Variants in NPSR1 observed in about 807,000 individuals in gnomAD.
NPSR1 encodes neuropeptide S receptor.
NPSR1 carries 48 observed loss-of-function variants against 46.9 expected under a neutral mutation model. The observed-to-expected ratio is 1.02, with a 90% CI of 0.81 to 1.30. The LOEUF is 1.30. NPSR1 is among the 50% of genes most tolerant of loss of function. The pLI is 0.00. For synonymous variants in NPSR1, 176 were observed against 168.1 expected, an observed-to-expected ratio of 1.05 and a Z score of -0.36; for missense variants, 450 against 449.5, an observed-to-expected ratio of 1.00 and a Z score of -0.01.
chr7:34,721,072 A>G, intron 2 of NPSR1, among the ~76,000 whole-genome samples: 1 of 152,218 alleles, frequency 6.6e-6, no homozygotes, highest in East Asian at 1.9e-4. Flanking sequence ...AGTTGTAGGA[A>G]GACATAAATA....
intron 2 of NPSR1, among the ~76,000 whole-genome samples, chr7:34,725,315 C>T (rs945911312): frequency 1.3e-5 from 2 of 152,032 alleles, no homozygotes; most frequent in Non-Finnish European, 2.9e-5. Context: ...GTCTGAATAC[C>T]CATAATAACA....
chr7:34,691,554 G>C (rs931657812), intron 2 of NPSR1, among the ~76,000 whole-genome samples: 1 of 151,946 alleles, frequency 6.6e-6, no homozygotes, highest in Non-Finnish European at 1.5e-5. Context: ...AAGCAAGCAG[G>C]AGTAGCCATT....
At chr7:34,720,211 T>G (rs1001710727) in intron 2 of NPSR1, among the ~76,000 whole-genome samples, 1 of 143,616 alleles carries the variant, frequency 7.0e-6, no homozygotes, top group African/African-American at 2.6e-5. Context: ...ACCCGGGAGG[T>G]GGATGTTGCA....
At chr7:34,703,695 C>T (rs1276060624) in intron 2 of NPSR1, among the ~76,000 whole-genome samples, 1 of 152,078 alleles carries the variant, frequency 6.6e-6, no homozygotes, top group Middle Eastern at 3.2e-3. Context: ...GAAAATAGAT[C>T]TTGAAGCCAC....
At position 34,791,120 on chromosome 7, in the gene NPSR1, A is replaced by ATATGTT. The variant is rs1562730999; in HGVS notation, c.384+12555_384+12556insTATGTT. ...TTATATATAATATGTTATATAATAT[A>ATATGTT]ATATATATGTTATATATTATATATA... On this transcript the variant is annotated intron_variant, in intron 3 of 8. Transcript: ENST00000360581. Among the ~76,000 whole-genome samples, 9 of 102,798 alleles carry ATATGTT rather than the reference A, an allele frequency of 8.8e-5. 1 individual carries two copies. The highest frequency in any genetic ancestry group is 1.3e-4 in the Non-Finnish European group (7 of 53,284). The allele number at this position is 102,798 out of a possible 152,430, so 67.4% of individuals were successfully genotyped here. A position where few individuals can be genotyped will look rare whatever the true frequency, so the allele number is the denominator to read the frequency against.
rs79130858 is a variant in NPSR1 at position 34,794,422 on chromosome 7, T to G, written c.384+15857T>G. 3.3e-4 allele frequency among the ~76,000 whole-genome samples: 51 copies of G among 152,278 alleles called. No homozygotes were observed. The East Asian group carries it at 9.6e-3, about 29-fold the overall frequency. On this transcript the variant is annotated intron_variant, in intron 3 of 8. Coordinates refer to ENST00000360581, the MANE Select transcript of NPSR1 (RefSeq NM_207172.2). ...AAGGAATATTATGAACAATCTTATCTCACAGATTTTATAACCTAGTTAAGA... is the reference window on the plus strand; with the variant it reads ...AAGGAATATTATGAACAATCTTATCGCACAGATTTTATAACCTAGTTAAGA...
chr7:34,676,175 C>T (rs1792307877), intron 1 of NPSR1, among the ~76,000 whole-genome samples: 1 of 152,100 alleles, frequency 6.6e-6, no homozygotes, highest in Non-Finnish European at 1.5e-5. Context: ...GTCCACAAAC[C>T]TAAGGGAGGA....
intron 1 of NPSR1, chr7:34,659,986 G>A: frequency 2.4e-6 from 1 of 416,066 alleles, no homozygotes; most frequent in Non-Finnish European, 4.8e-6. Context: ...TGGTTATTCT[G>A]AGACTCTGGC....
intron 2 of NPSR1, among the ~76,000 whole-genome samples, chr7:34,691,094 T>A (rs1201514338): frequency 1.3e-5 from 2 of 152,158 alleles, no homozygotes; most frequent in Non-Finnish European, 2.9e-5. Context: ...AAAGAACAAA[T>A]GTGCCAGCCA....
chr7:34,716,786 C>A (rs1783596407), intron 2 of NPSR1, among the ~76,000 whole-genome samples: 1 of 152,108 alleles, frequency 6.6e-6, no homozygotes, highest in African/African-American at 2.4e-5. Flanking sequence ...TGTGCAATTC[C>A]TGCCACTTTG....
intron 2 of NPSR1, among the ~76,000 whole-genome samples, chr7:34,711,799 A>T (rs1286326595): frequency 6.6e-6 from 1 of 152,162 alleles, no homozygotes; most frequent in African/African-American, 2.4e-5. Flanking sequence ...TTCCTAGGGG[A>T]GTGTTCCTCC....
At chr7:34,791,522 C>T (rs1562731884) in intron 3 of NPSR1, among the ~76,000 whole-genome samples, 1 of 150,616 alleles carries the variant, frequency 6.6e-6, no homozygotes, top group African/African-American at 2.4e-5. Flanking sequence ...TAGACTTATA[C>T]AAAAAAACTA....
chr7:34,843,644 C>G (rs1790646473), intron 6 of NPSR1, among the ~76,000 whole-genome samples: 1 of 152,236 alleles, frequency 6.6e-6, no homozygotes, highest in South Asian at 2.1e-4. Flanking sequence ...CAGCCCTTAT[C>G]TCTTAGCAGA....
In NPSR1 at chr7:34,786,071, C is replaced by A. The variant is rs141473494; in HGVS notation, c.384+7506C>A. On this transcript the variant is annotated intron_variant, in intron 3 of 8. Coordinates refer to ENST00000360581, the MANE Select transcript of NPSR1 (RefSeq NM_207172.2). ...TGTTGCATCAATTGACTTTTCCTTA[C>A]ATATAAAAAATTATCTGTAGTATGC... Among the ~76,000 whole-genome samples the A allele has an allele frequency of 3.5e-3, 535 of 152,204 alleles. 2 individuals carry two copies. Among genetic ancestry groups the A allele is most frequent in the African/African-American group, 0.012 (497 of 41,536 alleles).
At chr7:34,791,239 ATATGT>A (rs957462724) in intron 3 of NPSR1, among the ~76,000 whole-genome samples, 3 of 133,692 alleles carry the variant, frequency 2.2e-5, no homozygotes, top group African/African-American at 8.6e-5. Context: ...ATTATATTAT[ATATGT>A]TATATGTTAT....
chr7:34,748,476 G>C (rs1326406441), intron 2 of NPSR1, among the ~76,000 whole-genome samples: 2 of 152,138 alleles, frequency 1.3e-5, no homozygotes, highest in African/African-American at 4.8e-5. Context: ...GACTAGGGGT[G>C]GTGGCAGCTG....
intron 2 of NPSR1, among the ~76,000 whole-genome samples, chr7:34,707,832 T>A (rs937491049): frequency 6.6e-6 from 1 of 152,004 alleles, no homozygotes; most frequent in Admixed American, 6.6e-5. Flanking sequence ...TACCAAAGAT[T>A]GGGCAGCTTA....
In NPSR1 at chr7:34,742,646, T is replaced by C. The variant is rs1785004856; in HGVS notation, c.281-35816T>C. On this transcript the variant is annotated intron_variant, in intron 2 of 8. Transcript: ENST00000360581. Reference sequence around the variant, plus strand: ...ATGAACATTTGTATGCATGTGTCTTTATGGTAGAATGATTTATATTTCTCT... The same window carrying C: ...ATGAACATTTGTATGCATGTGTCTTCATGGTAGAATGATTTATATTTCTCT... Among the ~76,000 whole-genome samples the C allele has an allele frequency of 2.0e-5, 3 of 152,304 alleles. No individual in the cohort carries two copies. The South Asian group carries it at 6.2e-4, about 32-fold the overall frequency.
intron 3 of NPSR1, among the ~76,000 whole-genome samples, chr7:34,792,722 T>A (rs928346312): frequency 7.9e-6 from 1 of 125,962 alleles, no homozygotes; most frequent in Non-Finnish European, 1.6e-5. Flanking sequence ...TATTTATATA[T>A]ATATATATAT....
Sources: gnomAD v4.1 joint callset for allele counts (sites outside exome capture counted in the v4.1 genomes callset) on GRCh38, gnomAD v4.1.1 for gene constraint, MANE v1.5 for transcripts, NCBI Gene and HGNC (gene_info 2026-07-23, HGNC 2026-07-21) for gene names.